PDGFA: variants seen among roughly 807,000 people sequenced by gnomAD.
PDGFA encodes platelet derived growth factor subunit A.
Under a neutral mutation model 25.6 loss-of-function variants are expected in PDGFA, and 9 were observed. The ratio of observed to expected loss-of-function variants is 0.35; its 90% CI spans 0.21 to 0.61. The LOEUF (loss-of-function observed/expected upper bound fraction) is 0.61, where lower values mean the gene tolerates loss of function less well. Ranked by LOEUF, PDGFA falls within the 20% of genes least tolerant of loss-of-function variation. The pLI is 0.75. For synonymous variants in PDGFA, 133 were observed against 111.8 expected (o/e 1.19, Z -1.20); for missense variants, 242 against 272.8 (o/e 0.89, Z 0.79).
At chr7:511,365 G>T (rs1214257611) in intron 3 of PDGFA, among the ~76,000 whole-genome samples, 1 of 55,514 alleles carries the variant, frequency 1.8e-5, no homozygotes, top group South Asian at 5.8e-4. Context: ...TCCAGGTGGG[G>T]CCAGAGACTG....
chr7:507,893 C>T (rs1782629617), intron 4 of PDGFA, among the ~76,000 whole-genome samples: 2 of 152,176 alleles, frequency 1.3e-5, no homozygotes, highest in Admixed American at 6.5e-5. Flanking sequence ...TCCCTGACCC[C>T]CCGGCGGTAA....
chr7:497,615 G>C (rs1055871478), exon 6 of PDGFA: 5 of 152,170 alleles, frequency 3.3e-5, no homozygotes, highest in Admixed American at 2.6e-4. Context: ...CGGGCTCTGG[G>C]GCAGGTGCCG....
chr7:517,354 C>T lies in PDGFA; in HGVS notation c.160+40G>A, dbSNP rs1370304656. 25 of 1,080,356 alleles carry T rather than the reference C, an allele frequency of 2.3e-5. No individual in the cohort carries two copies. Among genetic ancestry groups the T allele is most frequent in the Admixed American group, 9.9e-5 (3 of 30,390 alleles). The allele number at this position is 1,080,356 out of a possible 1,614,324, so 66.9% of individuals were successfully genotyped here. ...GCTCGGGGCGCACAGGCCGCCCGCC[C>T]GCGCCCTCCCCGCGCGCGGAGGGAA... On this transcript the variant is annotated intron_variant, in intron 2 of 5. Coordinates refer to ENST00000402802, the Ensembl canonical transcript of PDGFA. The surrounding 1 kb of genome is among the most constrained non-coding windows in gnomAD (Gnocchi z 7.4).
At chr7:509,979 A>T (rs1782727176) in intron 4 of PDGFA, among the ~76,000 whole-genome samples, 1 of 152,038 alleles carries the variant, frequency 6.6e-6, no homozygotes, top group Non-Finnish European at 1.5e-5. Context: ...TTAGGGGGGA[A>T]GCCGGGGGGG....
At chr7:498,558 T>C in exon 6 of PDGFA, 1 of 1,609,318 alleles carries the variant, frequency 6.2e-7, no homozygotes, top group Non-Finnish European at 8.5e-7. Flanking sequence ...GGGCTGCGGC[T>C]CATCCTCACC....
chr7:508,437 T>C (rs890486131), intron 4 of PDGFA, among the ~76,000 whole-genome samples: 9 of 151,398 alleles, frequency 5.9e-5, no homozygotes, highest in African/African-American at 2.2e-4. Context: ...CATGGTGGCA[T>C]GCACCTGTAG....
intron 2 of PDGFA, 167 bp from the exon 3 acceptor site, chr7:512,622 C>T (rs774546412): frequency 1.0e-4 from 161 of 1,535,068 alleles, no homozygotes; most frequent in Non-Finnish European, 1.4e-4. Flanking sequence ...AGGAGAACCT[C>T]GATTCCCACC....
chr7:504,557 C>T lies in PDGFA; in HGVS notation c.454-3315G>A, dbSNP rs151307152. ...AGCAGGAGGAACAGCACCAGCCTCA[C>T]ACCCTGCCATCTCCCAGGCTCGAAG... On this transcript the variant is annotated intron_variant, in intron 4 of 5. Coordinates refer to ENST00000402802, the Ensembl canonical transcript of PDGFA. Among the ~76,000 whole-genome samples, 696 of 152,270 alleles carry T rather than the reference C, an allele frequency of 4.6e-3. 7 individuals are homozygous for T. The highest frequency in any genetic ancestry group is 0.016 in the African/African-American group (655 of 41,562).
Position 500,188 on chromosome 7 carries a change from G to C in PDGFA, c.580+928C>G, listed in dbSNP as rs1052354032. ...CAATGCTCCTGCATCCCCAATCAAC[G>C]ACAAAGAGAAGGACAAAGCTGGAGG... is the stretch of plus-strand genomic sequence containing the variant. On this transcript the variant is annotated intron_variant, in intron 5 of 5. Transcript: ENST00000402802. The surrounding 1 kb of genome is among the most constrained non-coding windows in gnomAD (Gnocchi z 5.0). Among the ~76,000 whole-genome samples, 3 of 152,160 alleles carry C rather than the reference G, an allele frequency of 2.0e-5. No individual in the cohort carries two copies. The highest frequency in any genetic ancestry group is 4.4e-5 in the Non-Finnish European group (3 of 68,028).
At chr7:502,219 C>T (rs1030670181) in intron 4 of PDGFA, among the ~76,000 whole-genome samples, 6 of 152,180 alleles carry the variant, frequency 3.9e-5, no homozygotes, top group African/African-American at 1.4e-4. Context: ...AAGACCCTGT[C>T]TCTATTAATA....
chr7:515,054 A>G (rs1022639353), intron 2 of PDGFA, among the ~76,000 whole-genome samples: 6 of 152,190 alleles, frequency 3.9e-5, no homozygotes, highest in Non-Finnish European at 7.3e-5. Context: ...GCCAGTCACA[A>G]AGCCCCACCC....
At chr7:511,038 G>A (rs780163562) in intron 3 of PDGFA, 42 bp from the exon 4 acceptor site, 37 of 1,531,224 alleles carry the variant, frequency 2.4e-5, no homozygotes, top group African/African-American at 1.9e-4. Context: ...CGGCCTCTGC[G>A]ACCACGGCCC....
chr7:499,976 G>GTGGC (rs953685952), intron 5 of PDGFA, among the ~76,000 whole-genome samples: 11 of 152,062 alleles, frequency 7.2e-5, no homozygotes, highest in Non-Finnish European at 1.6e-4. Flanking sequence ...TTCCAACACA[G>GTGGC]TAGCCAACAG....
chr7:510,257 C>A (rs1421317164), intron 4 of PDGFA, among the ~76,000 whole-genome samples: 1 of 152,094 alleles, frequency 6.6e-6, no homozygotes, highest in Non-Finnish European at 1.5e-5. Flanking sequence ...TTTCCCGCAC[C>A]CCCAGGTGCT....
intron 4 of PDGFA, among the ~76,000 whole-genome samples, chr7:502,063 A>C (rs1055122257): frequency 4.6e-5 from 7 of 152,110 alleles, no homozygotes; most frequent in South Asian, 2.1e-4. Context: ...TGCCTCTAAA[A>C]ACAATTTAAA....
intron 4 of PDGFA, among the ~76,000 whole-genome samples, chr7:509,597 G>A (rs1017900408): frequency 1.3e-5 from 2 of 152,144 alleles, no homozygotes; most frequent in African/African-American, 4.8e-5. Flanking sequence ...GGCCCGATTA[G>A]TTTCTAGGGT....
intron 4 of PDGFA, among the ~76,000 whole-genome samples, chr7:508,958 C>G (rs1049025418): frequency 1.3e-5 from 2 of 152,252 alleles, no homozygotes; most frequent in African/African-American, 4.8e-5. Context: ...CAGGCCCTGC[C>G]TCAGACCCAT....
In PDGFA at chr7:498,548, G is replaced by C. The variant is rs754591397; in HGVS notation, c.*16C>G. Reference sequence around the variant, plus strand: ...CCATGTACATCCATGTCCCAGGAAAGGGCTGCGGCTCATCCTCACCTCACA... The same window carrying C: ...CCATGTACATCCATGTCCCAGGAAACGGCTGCGGCTCATCCTCACCTCACA... On this transcript the variant is annotated 3_prime_UTR_variant, in exon 6 of 6. Transcript: ENST00000402802. 5.0e-6 allele frequency: 8 copies of C among 1,608,388 alleles called. No homozygotes were observed. The East Asian group carries it at 1.8e-4, about 36-fold the overall frequency.
In PDGFA at chr7:517,353, C is replaced by G. The variant is rs1322142303; in HGVS notation, c.160+41G>C. On this transcript the variant is annotated intron_variant, in intron 2 of 5. Coordinates refer to ENST00000402802, the Ensembl canonical transcript of PDGFA. The surrounding 1 kb of genome is among the most constrained non-coding windows in gnomAD (Gnocchi z 7.4). ...AGCTCGGGGCGCACAGGCCGCCCGC[C>G]CGCGCCCTCCCCGCGCGCGGAGGGA... 2 of 1,066,424 alleles carry G rather than the reference C, an allele frequency of 1.9e-6. No individual in the cohort carries two copies. The highest frequency in any genetic ancestry group is 2.5e-6 in the Non-Finnish European group (2 of 797,760). The allele number at this position is 1,066,424 out of a possible 1,614,324, so 66.1% of individuals were successfully genotyped here.
Sources: allele counts gnomAD v4.1 joint callset (sites outside exome capture counted in the v4.1 genomes callset), GRCh38; gene constraint gnomAD v4.1.1; non-coding constraint Gnocchi (gnomAD v3.1); transcripts MANE v1.5; gene names NCBI Gene and HGNC (gene_info 2026-07-23, HGNC 2026-07-21).